The following NPC1 variants were observed in gnomAD, a reference collection of about 807,000 sequenced individuals.
The protein encoded by NPC1 is NPC intracellular cholesterol transporter 1.
NPC1 carries 85 observed loss-of-function variants against 140.4 expected under a neutral mutation model. The observed-to-expected ratio is 0.61, with a 90% CI of 0.51 to 0.72. The LOEUF (loss-of-function observed/expected upper bound fraction) is 0.72. Among genes scored for constraint, NPC1 ranks in the 30% least tolerant of loss-of-function variants. The pLI is 0.00. For synonymous variants in NPC1, 656 were observed against 624.8 expected, an observed-to-expected ratio of 1.05 and a Z score of -0.74; for missense variants, 1,504 against 1,623.8, an observed-to-expected ratio of 0.93 and a Z score of 1.27.
chr18:23,543,590 ATTATGCG>A, intron 13 of NPC1, 21 bp from the exon 14 acceptor site: 6 of 1,093,288 alleles, frequency 5.5e-6, no homozygotes, highest in Non-Finnish European at 8.1e-6. Context: ...AAAAAAAAAA[ATTATGCG>A]ACATTAAAAT....
In NPC1 at chr18:23,574,491, C is replaced by T. The variant is rs144700757; in HGVS notation, c.58-917G>A. Among the ~76,000 whole-genome samples the T allele has an allele frequency of 5.1e-4, 77 of 152,262 alleles. 1 individual carries two copies. The East Asian group carries it at 0.011, about 21-fold the overall frequency. On this transcript the variant is annotated intron_variant, in intron 1 of 24. Transcript: ENST00000269228. ...CAGAAGTCACAACATGAAATTCTCT[C>T]CAGTGACAGTGGCACATGACCTGCA... is the stretch of plus-strand genomic sequence containing the variant.
chr18:23,544,493 T>G lies in NPC1; in HGVS notation c.1981A>C (p.Ile661Leu), dbSNP rs1179441870. 13 of 1,614,172 alleles carry G rather than the reference T, an allele frequency of 8.1e-6. No homozygotes were observed. The highest frequency in any genetic ancestry group is 1.1e-5 in the Non-Finnish European group (13 of 1,180,028). Residue 661 changes from isoleucine (I) to leucine (L), a missense_variant, in exon 13 of 25, where the codon ATC becomes CTC. Transcript: ENST00000269228. ...GCCACCGAGCTCAGCACGATCAAGA[T>G]GCCCGCGATGCCTAGTGAGACCTTC... ...DSKVSLGIAG[I>L]LIVLSSVACS... is the part of the protein sequence containing the mutation.
At chr18:23,532,818 T>C (rs947761470) in intron 24 of NPC1, 2 of 937,360 alleles carry the variant, frequency 2.1e-6, no homozygotes, top group African/African-American at 3.6e-5. Context: ...TGCTTCAATT[T>C]AGTGACAAAG....
downstream of NPC1, among the ~76,000 whole-genome samples, chr18:23,526,303 G>A (rs534756721): frequency 4.6e-5 from 7 of 152,300 alleles, no homozygotes; most frequent in South Asian, 4.1e-4. Flanking sequence ...TATTTTAAAC[G>A]TTAAAAGAGG....
chr18:23,535,821 T>A, intron 21 of NPC1, 121 bp from the exon 22 acceptor site: 2 of 750,312 alleles, frequency 2.7e-6, no homozygotes, highest in Non-Finnish European at 4.7e-6. Flanking sequence ...CAGAAAACCT[T>A]GCTGGCTGTC....
intron 1 of NPC1, among the ~76,000 whole-genome samples, chr18:23,577,821 T>G (rs531455781): frequency 5.3e-5 from 8 of 152,314 alleles, no homozygotes; most frequent in African/African-American, 1.9e-4. Flanking sequence ...GCAGCGCCGG[T>G]GGGCCGGCAC....
intron 18 of NPC1, 124 bp downstream of exon 18, chr18:23,539,687 A>G (rs2058684225): frequency 2.7e-6 from 3 of 1,122,706 alleles, no homozygotes; most frequent in Non-Finnish European, 1.3e-6. Flanking sequence ...TTTAACATAC[A>G]TTTTGCATAA....
At chr18:23,511,348 A>G (rs1419797858) in intron 3 of NPC1, among the ~76,000 whole-genome samples, 2 of 152,172 alleles carry the variant, frequency 1.3e-5, no homozygotes, top group Non-Finnish European at 2.9e-5. Flanking sequence ...GAGGAGGGAG[A>G]GGAGCAGAAA....
chr18:23,529,655 G>C, downstream of NPC1: 2 of 1,614,112 alleles, frequency 1.2e-6, no homozygotes, highest in Non-Finnish European at 1.7e-6. Context: ...ATAAATTTGT[G>C]ATAGCCGTGC....
At chr18:23,534,788 T>C (rs2058601772) in intron 22 of NPC1, among the ~76,000 whole-genome samples, 1 of 152,190 alleles carries the variant, frequency 6.6e-6, no homozygotes, top group Non-Finnish European at 1.5e-5. Context: ...GGCACGTTTG[T>C]GTTGACCAGG....
At chr18:23,507,127 T>C in intron 3 of NPC1, 1 of 1,085,260 alleles carries the variant, frequency 9.2e-7, no homozygotes, top group East Asian at 2.5e-5. Context: ...ATCGCAAATT[T>C]TCAGTGTTAA....
intron 21 of NPC1, 60 bp from the exon 22 acceptor site, chr18:23,535,760 C>CGGG: frequency 9.1e-7 from 1 of 1,102,900 alleles, no homozygotes; most frequent in Non-Finnish European, 1.4e-6. Context: ...ACTGCGTGTT[C>CGGG]ATCCTGTCAC....
intron 3 of NPC1, chr18:23,508,118 G>A (rs957638560): frequency 1.9e-5 from 24 of 1,284,216 alleles, no homozygotes; most frequent in Middle Eastern, 2.5e-4. Flanking sequence ...GCGGGGCATT[G>A]GGGTCGCAGG....
chr18:23,518,871 CTG>C (rs1567922735), downstream of NPC1: 1 of 1,610,740 alleles, frequency 6.2e-7, no homozygotes, highest in South Asian at 1.1e-5. Context: ...TGATTTATGT[CTG>C]TTTGTTCCCT....
At chr18:23,565,677 T>G (rs560337057) in intron 4 of NPC1, among the ~76,000 whole-genome samples, 2 of 152,326 alleles carry the variant, frequency 1.3e-5, no homozygotes, top group Admixed American at 1.3e-4. Flanking sequence ...TTTTGCCTTC[T>G]GTTATAGTTA....
chr18:23,568,992 T>C lies in NPC1; in HGVS notation c.294A>G (p.Pro98=), dbSNP rs2145527506. The part of the protein sequence containing the change: ...QLPLQFLSRC[P]SCFYNLLNLF... ...GGTTCAGTAGGTTATAAAAACAGGA[T>C]GGACATCTAAAGGAAAAGTAAATTA... Residue 98 remains proline (P), a synonymous_variant, in exon 4 of 25, where the codon CCA becomes CCG. Coordinates refer to ENST00000269228, the MANE Select transcript of NPC1 (RefSeq NM_000271.5). 2 of 1,612,524 alleles carry C rather than the reference T, an allele frequency of 1.2e-6. No individual in the cohort carries two copies. Among genetic ancestry groups the C allele is most frequent in the Non-Finnish European group, 1.7e-6 (2 of 1,178,984 alleles).
At position 23,557,193 on chromosome 18, in the gene NPC1, G is replaced by C; in HGVS notation, c.882-3C>G. 6.2e-7 allele frequency: 1 copy of C among 1,610,736 alleles called. No individual in the cohort carries two copies. Among genetic ancestry groups the C allele is most frequent in the Non-Finnish European group, 8.5e-7 (1 of 1,177,982 alleles). On this transcript the variant is annotated splice_region_variant and splice_polypyrimidine_tract_variant and intron_variant, in intron 6 of 24. Transcript: ENST00000269228. Reference sequence around the variant, plus strand: ...ACTCGGAGACAAAATACCGTTTTCTGAAAAACAGAAGTGAAGAAATAGCAT... The same window carrying C: ...ACTCGGAGACAAAATACCGTTTTCTCAAAAACAGAAGTGAAGAAATAGCAT...
In NPC1 at chr18:23,548,124, G is replaced by A. The variant is rs529312669; in HGVS notation, c.1655-16C>T. On this transcript the variant is annotated splice_polypyrimidine_tract_variant and intron_variant, in intron 10 of 24. Transcript: ENST00000269228. The stretch of plus-strand genomic sequence containing the variant: ...TAGTTTTGATCTAGAAAGGAAAAAT[G>A]TGACATCAAAAAGCAGATTACAAGC... 1 of 1,487,966 alleles carries A rather than the reference G, an allele frequency of 6.7e-7. No individual in the cohort carries two copies. Among genetic ancestry groups the A allele is most frequent in the Admixed American group, 1.7e-5 (1 of 59,880 alleles). 92.2% of individuals were successfully genotyped at this position (1,487,966 alleles called of 1,614,324 possible).
intron 13 of NPC1, 69 bp from the exon 14 acceptor site, chr18:23,543,638 T>G (rs939525778): frequency 5.6e-6 from 5 of 890,004 alleles, no homozygotes; most frequent in Non-Finnish European, 9.1e-6. Flanking sequence ...TCTTGCTGCC[T>G]TGTGTTAACT....
Sources: allele counts gnomAD v4.1 joint callset (sites outside exome capture counted in the v4.1 genomes callset), GRCh38; gene constraint gnomAD v4.1.1; transcripts MANE v1.5; gene names NCBI Gene and HGNC (gene_info 2026-07-23, HGNC 2026-07-21).